Variants in NRG3 observed in about 807,000 individuals in gnomAD.
The protein encoded by NRG3 is pro-neuregulin-3, membrane-bound isoform.
A neutral mutation model predicts 66.9 loss-of-function variants in NRG3; 31 were observed. The ratio of observed to expected loss-of-function variants is 0.46; its 90% CI spans 0.35 to 0.63. The LOEUF (loss-of-function observed/expected upper bound fraction) is 0.63. NRG3 is among the 20% of genes least tolerant of loss of function. The pLI is 0.00. For missense variants in NRG3, 910 were observed against 878.9 expected, an observed-to-expected ratio of 1.04 and a Z score of -0.45; for synonymous variants, 393 against 359.4, an observed-to-expected ratio of 1.09 and a Z score of -1.06.
At chr10:81,998,823 A>T (rs759447661) in intron 1 of NRG3, among the ~76,000 whole-genome samples, 25 of 152,206 alleles carry the variant, frequency 1.6e-4, no homozygotes, top group Admixed American at 5.9e-4. Flanking sequence ...TTTAAAAAAC[A>T]TAGCATGAAA....
chr10:82,430,602 C>T (rs531013298), intron 2 of NRG3, among the ~76,000 whole-genome samples: 2 of 152,188 alleles, frequency 1.3e-5, no homozygotes, highest in South Asian at 4.2e-4. Flanking sequence ...AAATAATATG[C>T]CAACATTGTA....
chr10:82,142,844 C>T (rs944741647), intron 1 of NRG3, among the ~76,000 whole-genome samples: 1 of 145,688 alleles, frequency 6.9e-6, no homozygotes, highest in Non-Finnish European at 1.5e-5. Flanking sequence ...AATCATGGCT[C>T]ACTGCAGCCT....
rs564478711 is a variant in NRG3 at position 82,322,991 on chromosome 10, A to G, written c.824-35748A>G. ...TATTCAGAGCCTTCTGATGAATACT[A>G]TGTTACTAACGGGTAAGAATAAGGA... On this transcript the variant is annotated intron_variant, in intron 1 of 8. Coordinates refer to ENST00000372141, the MANE Select transcript of NRG3 (RefSeq NM_001010848.4). 1.6e-4 allele frequency among the ~76,000 whole-genome samples: 25 copies of G among 152,344 alleles called. No homozygotes were observed. The South Asian group carries it at 4.4e-3, about 27-fold the overall frequency.
At chr10:82,257,140 A>T (rs984935201) in intron 1 of NRG3, among the ~76,000 whole-genome samples, 2 of 152,232 alleles carry the variant, frequency 1.3e-5, no homozygotes, top group Non-Finnish European at 2.9e-5. Flanking sequence ...TAAATTTTTT[A>T]AATTTATTTT....
At chr10:82,646,876 G>A (rs1460251861) in intron 2 of NRG3, among the ~76,000 whole-genome samples, 1 of 151,652 alleles carries the variant, frequency 6.6e-6, no homozygotes, top group Non-Finnish European at 1.5e-5. Flanking sequence ...GGAACAAGGT[G>A]CCCACCAAAT....
intron 6 of NRG3, among the ~76,000 whole-genome samples, chr10:82,969,347 G>A (rs774053436): frequency 7.9e-5 from 12 of 152,198 alleles, no homozygotes; most frequent in South Asian, 4.1e-4. Flanking sequence ...GGATATCATC[G>A]CACTTTAATA....
intron 1 of NRG3, among the ~76,000 whole-genome samples, chr10:82,251,093 G>A (rs151258939): frequency 7.2e-5 from 11 of 152,310 alleles, no homozygotes; most frequent in African/African-American, 9.6e-5. Context: ...GACGTTGGAC[G>A]TACATTGCTA....
chr10:82,585,296 GA>G (rs2046606311), intron 2 of NRG3, among the ~76,000 whole-genome samples: 1 of 152,040 alleles, frequency 6.6e-6, no homozygotes, highest in Non-Finnish European at 1.5e-5. Flanking sequence ...CATATCAATT[GA>G]CAGATGAATA....
At chr10:82,832,070 A>T (rs1160226011) in intron 3 of NRG3, among the ~76,000 whole-genome samples, 1 of 152,186 alleles carries the variant, frequency 6.6e-6, no homozygotes, top group African/African-American at 2.4e-5. Flanking sequence ...CTCACTTTGC[A>T]TCACATTAGT....
intron 1 of NRG3, among the ~76,000 whole-genome samples, chr10:82,308,766 C>G (rs2080876559): frequency 6.6e-6 from 1 of 152,106 alleles, no homozygotes; most frequent in Non-Finnish European, 1.5e-5. Flanking sequence ...CTCACATGTG[C>G]TAGGATTTTC....
chr10:82,107,695 T>C (rs2067152103), intron 1 of NRG3, among the ~76,000 whole-genome samples: 1 of 152,210 alleles, frequency 6.6e-6, no homozygotes, highest in Non-Finnish European at 1.5e-5. Context: ...GGGCTAGTCA[T>C]TTAGTAGGAG....
intron 2 of NRG3, among the ~76,000 whole-genome samples, chr10:82,587,830 A>G (rs1033346375): frequency 2.0e-5 from 3 of 152,240 alleles, no homozygotes; most frequent in African/African-American, 7.2e-5. Flanking sequence ...AACAGTATGT[A>G]GGCACAGAGA....
intron 1 of NRG3, among the ~76,000 whole-genome samples, chr10:81,970,514 G>T (rs754844271): frequency 2.0e-5 from 3 of 152,020 alleles, no homozygotes; most frequent in South Asian, 4.1e-4. Flanking sequence ...TATTATTTCC[G>T]TATTGCAAAT....
chr10:81,934,766 C>T (rs986851382), intron 1 of NRG3, among the ~76,000 whole-genome samples: 5 of 152,154 alleles, frequency 3.3e-5, no homozygotes, highest in Admixed American at 1.3e-4. Flanking sequence ...TCTACTCTTA[C>T]ATACCTTGTG....
At chr10:82,170,678 A>ATATT (rs2072526823) in intron 1 of NRG3, among the ~76,000 whole-genome samples, 1 of 120,748 alleles carries the variant, frequency 8.3e-6, no homozygotes, top group Non-Finnish European at 1.7e-5. Context: ...ATATATATAT[A>ATATT]TATATATATA....
At chr10:82,738,247 T>C (rs1004140125) in intron 2 of NRG3, among the ~76,000 whole-genome samples, 3 of 152,052 alleles carry the variant, frequency 2.0e-5, no homozygotes, top group South Asian at 4.1e-4. Context: ...GTGTGTTGCA[T>C]AAAGAAAAAT....
chr10:82,807,425 C>T (rs1006945995), intron 3 of NRG3, among the ~76,000 whole-genome samples: 18 of 152,130 alleles, frequency 1.2e-4, no homozygotes, highest in African/African-American at 2.7e-4. Context: ...TACCTTGCAA[C>T]GGGGTGTGTG....
intron 1 of NRG3, among the ~76,000 whole-genome samples, chr10:82,334,030 C>A (rs1016391222): frequency 1.3e-5 from 2 of 151,392 alleles, no homozygotes; most frequent in African/African-American, 4.9e-5. Context: ...ATTAGCTGGG[C>A]CTGGTGGCGG....
intron 4 of NRG3, among the ~76,000 whole-genome samples, chr10:82,910,534 C>T (rs916058410): frequency 2.6e-5 from 4 of 152,214 alleles, no homozygotes; most frequent in African/African-American, 9.7e-5. Context: ...GCATGAATCA[C>T]CAGAGACATC....
Sources: gnomAD v4.1 joint callset for allele counts (sites outside exome capture counted in the v4.1 genomes callset) on GRCh38, gnomAD v4.1.1 for gene constraint, MANE v1.5 for transcripts, NCBI Gene and HGNC (gene_info 2026-07-23, HGNC 2026-07-21) for gene names.